ARPP21: variants seen among roughly 807,000 people sequenced by gnomAD.
ARPP21 encodes the protein cAMP regulated phosphoprotein 21, also known as cAMP-regulated phosphoprotein 21.
ARPP21 carries 69 observed loss-of-function variants against 113.2 expected under a neutral mutation model. The ratio of observed to expected loss-of-function variants is 0.61; its 90% CI spans 0.50 to 0.74. The LOEUF (loss-of-function observed/expected upper bound fraction) is 0.74, where lower values mean the gene tolerates loss of function less well. Among genes scored for constraint, ARPP21 ranks in the 30% least tolerant of loss-of-function variants. The pLI is 0.00. For missense variants in ARPP21, 1,070 were observed against 1,037.4 expected (o/e 1.03, Z -0.43); for synonymous variants, 368 against 375.5 (o/e 0.98, Z 0.23).
chr3:35,644,620 T>A (rs2148877457), intron 1 of ARPP21, among the ~76,000 whole-genome samples: 1 of 152,006 alleles, frequency 6.6e-6, no homozygotes, highest in South Asian at 2.1e-4. Flanking sequence ...GAAATAGCTA[T>A]GCAGCAAACC....
chr3:35,729,439 G>A lies in ARPP21; in HGVS notation c.1362G>A (p.Gly454=), dbSNP rs759174950. ...GCVPYPENGI[G]GQVAPSSTSY... is the part of the protein sequence containing the mutation. Reference sequence around the variant, plus strand: ...TGCCTTATCCAGAGAATGGAATAGGGGGCCAGGTTGCTCCCAGCAGCACCA... The same window carrying A: ...TGCCTTATCCAGAGAATGGAATAGGAGGCCAGGTTGCTCCCAGCAGCACCA... The change falls in exon 15 of 21, where the codon GGG becomes GGA. Residue 454 remains glycine, a synonymous_variant. Coordinates refer to ENST00000684406, the MANE Select transcript of ARPP21 (RefSeq NM_001385562.1). 5.0e-6 allele frequency: 8 copies of A among 1,614,156 alleles called. No homozygotes were observed. The Admixed American group carries it at 1.2e-4, about 24-fold the overall frequency.
chr3:35,771,846 A>G (rs1250886680), intron 19 of ARPP21, among the ~76,000 whole-genome samples: 1 of 152,170 alleles, frequency 6.6e-6, no homozygotes, highest in African/African-American at 2.4e-5. Context: ...ATAATCATAT[A>G]AATTAAAGCA....
chr3:35,767,910 G>A (rs1228818215), intron 19 of ARPP21, among the ~76,000 whole-genome samples: 1 of 151,800 alleles, frequency 6.6e-6, no homozygotes, highest in East Asian at 1.9e-4. Context: ...AATCAGCATG[G>A]GAACTCTGCC....
Position 35,793,895 on chromosome 3 carries a change from G to T in ARPP21, c.2481G>T (p.Met827Ile). The T allele has an allele frequency of 6.2e-7, 1 of 1,614,122 alleles. No individual in the cohort carries two copies. Among genetic ancestry groups the T allele is most frequent in the Middle Eastern group, 1.6e-4 (1 of 6,062 alleles). ...GCCCCTCCAGCACTGTCCCAGTGAT[G>T]TCAGCTAGCTGCAGAACAAACTGTG... ...PHCPSSTVPV[M>I]SASCRTNCAS... The change falls in exon 21 of 21, where the codon ATG becomes ATT. Residue 827 changes from methionine to isoleucine, a missense_variant. By Grantham distance (10) the Met-to-Ile change is conservative. Transcript: ENST00000684406.
chr3:35,648,628 C>A (rs1374122067), intron 1 of ARPP21, among the ~76,000 whole-genome samples: 1 of 152,166 alleles, frequency 6.6e-6, no homozygotes, highest in East Asian at 1.9e-4. Flanking sequence ...AATGAGTCAG[C>A]ACTGTGCCTC....
At chr3:35,684,545 T>C in intron 5 of ARPP21, 1 of 985,606 alleles carries the variant, frequency 1.0e-6, no homozygotes, top group African/African-American at 1.7e-5. Context: ...TTATAAAAAA[T>C]GGTCTTGCTG....
intron 9 of ARPP21, among the ~76,000 whole-genome samples, chr3:35,706,685 A>C (rs565823767): frequency 1.3e-5 from 2 of 152,238 alleles, no homozygotes; most frequent in South Asian, 4.1e-4. Context: ...AAAATAACTA[A>C]AGAAAACATC....
rs575834132 is a variant in ARPP21 at position 35,773,750 on chromosome 3, C to T, written c.2138-18632C>T. Among the ~76,000 whole-genome samples the T allele has an allele frequency of 7.9e-5, 12 of 152,186 alleles. No individual in the cohort carries two copies. In the East Asian group the frequency reaches 9.7e-4, roughly 12 times the overall value. On this transcript the variant is annotated intron_variant, in intron 19 of 20. Transcript: ENST00000684406. Reference sequence around the variant, plus strand: ...GGGCCCTCACCTGCTGAAATGACAACTTTTTTTAATTAAAATTTTATCCTC... The same window carrying T: ...GGGCCCTCACCTGCTGAAATGACAATTTTTTTTAATTAAAATTTTATCCTC...
intron 11 of ARPP21, among the ~76,000 whole-genome samples, chr3:35,712,561 T>TGTGTGTGTGTGA (rs1488053337): frequency 4.9e-5 from 7 of 143,560 alleles, no homozygotes; most frequent in African/African-American, 1.6e-4. Flanking sequence ...TGTGTGTGTG[T>TGTGTGTGTGTGA]GAAAGAGAGA....
At chr3:35,751,111 T>G (rs1457283766) in intron 19 of ARPP21, among the ~76,000 whole-genome samples, 8 of 152,146 alleles carry the variant, frequency 5.3e-5, no homozygotes. Flanking sequence ...TCAAGACAGC[T>G]ACATAGCAGA....
chr3:35,752,768 A>T (rs1011078368), intron 19 of ARPP21, among the ~76,000 whole-genome samples: 4 of 152,040 alleles, frequency 2.6e-5, no homozygotes, highest in Non-Finnish European at 1.5e-5. Context: ...ATTTTTATTC[A>T]TTGCCAGCTC....
At chr3:35,682,953 G>C in intron 4 of ARPP21, 64 bp downstream of exon 4, 1 of 1,432,914 alleles carries the variant, frequency 7.0e-7, no homozygotes, top group Non-Finnish European at 9.6e-7. Flanking sequence ...TTTTACATCA[G>C]AGTTAAAGGA....
At chr3:35,772,000 A>T (rs908077394) in intron 19 of ARPP21, among the ~76,000 whole-genome samples, 2 of 152,058 alleles carry the variant, frequency 1.3e-5, no homozygotes, top group East Asian at 3.9e-4. Context: ...GGCAAGATTT[A>T]TTTTTTTTAA....
intron 9 of ARPP21, among the ~76,000 whole-genome samples, chr3:35,695,611 A>C (rs2083688542): frequency 6.6e-6 from 1 of 151,580 alleles, no homozygotes; most frequent in Non-Finnish European, 1.5e-5. Flanking sequence ...AATGTATGTA[A>C]CAGATTCATT....
intron 14 of ARPP21, among the ~76,000 whole-genome samples, chr3:35,728,796 G>A (rs571360985): frequency 7.6e-4 from 115 of 152,188 alleles, no homozygotes; most frequent in Non-Finnish European, 1.2e-3. Flanking sequence ...TTATGACTAG[G>A]CCCCTTCAGA....
At chr3:35,764,018 A>G (rs1011660491) in intron 19 of ARPP21, among the ~76,000 whole-genome samples, 39 of 152,074 alleles carry the variant, frequency 2.6e-4, no homozygotes, top group African/African-American at 9.2e-4. Flanking sequence ...ACAAACAACC[A>G]TACAAAAGAA....
rs1697498942 is a variant in ARPP21, at chr3:35,639,677, A to C, written c.-934A>C. ...GAACGCAAAGAGAGCGAGAGCATTA[A>C]GTAGGCAGGGAGAGGCACACAGAAA... On this transcript the variant is annotated 5_prime_UTR_variant, in exon 1 of 21. Coordinates refer to ENST00000684406, the MANE Select transcript of ARPP21 (RefSeq NM_001385562.1). The surrounding 1 kb of genome is among the most constrained non-coding windows in gnomAD (Gnocchi z 5.0). 6.5e-6 allele frequency: 1 copy of C among 153,124 alleles called. No homozygotes were observed. Among genetic ancestry groups the C allele is most frequent in the Non-Finnish European group, 1.5e-5 (1 of 68,766 alleles). 9.5% of individuals were successfully genotyped at this position (153,124 alleles called of 1,614,324 possible).
intron 19 of ARPP21, among the ~76,000 whole-genome samples, chr3:35,767,877 C>G (rs1458147914): frequency 6.6e-6 from 1 of 152,046 alleles, no homozygotes; most frequent in Admixed American, 6.6e-5. Flanking sequence ...CCCAGCCCAC[C>G]AGTCCTTAAA....
At chr3:35,747,359 TA>T (rs34264524) in intron 19 of ARPP21, among the ~76,000 whole-genome samples, 3,989 of 108,810 alleles carry the variant, frequency 0.037, 94 homozygotes, top group African/African-American at 0.086. Flanking sequence ...AGACTCCATC[TA>T]AAAAAAAAAA....
Sources: gnomAD v4.1 joint callset for allele counts (sites outside exome capture counted in the v4.1 genomes callset) on GRCh38, gnomAD v4.1.1 for gene constraint, Gnocchi (gnomAD v3.1) non-coding constraint, MANE v1.5 for transcripts, NCBI Gene and HGNC (gene_info 2026-07-23, HGNC 2026-07-21) for gene names.